The following SAMSN1 variants were observed in gnomAD, a reference collection of about 807,000 sequenced individuals.
SAMSN1 encodes the protein SAM domain, SH3 domain and nuclear localization signals 1, also known as SAM domain-containing protein SAMSN-1.
SAMSN1 carries 31 observed loss-of-function variants against 42.0 expected under a neutral mutation model. That is an observed-to-expected ratio of 0.74 (90% CI 0.55 to 1.00). The LOEUF is 1.00. Ranked by LOEUF, SAMSN1 falls within the 50% of genes least tolerant of loss-of-function variation. The pLI, the probability that SAMSN1 is intolerant of heterozygous loss-of-function variation, is 0.00. For missense variants in SAMSN1, 464 were observed against 439.4 expected (o/e 1.06, Z -0.50); for synonymous variants, 178 against 151.9 (o/e 1.17, Z -1.26).
rs138153633 is a variant in SAMSN1 at position 14,625,544 on chromosome 21, C to T, written c.157-9528G>A. On this transcript the variant is annotated intron_variant, in intron 2 of 15. Transcript: ENST00000647101. ...CCATTCACAATTGCTTCAAAGAGAACAAAATACCTAGGAATCCAACTTACC... is the reference window on the plus strand; with the variant it reads ...CCATTCACAATTGCTTCAAAGAGAATAAAATACCTAGGAATCCAACTTACC... 9.2e-3 allele frequency among the ~76,000 whole-genome samples: 1,397 copies of T among 152,060 alleles called. 22 individuals carry two copies. Among genetic ancestry groups the T allele is most frequent in the African/African-American group, 0.032 (1,309 of 41,480 alleles).
chr21:14,499,226 T>C (rs1987036624), intron 6 of SAMSN1, among the ~76,000 whole-genome samples: 1 of 152,214 alleles, frequency 6.6e-6, no homozygotes, highest in South Asian at 2.1e-4. Context: ...TCAGCATGTA[T>C]ATTTTGTCCG....
chr21:14,490,504 A>C (rs529927558), intron 7 of SAMSN1, among the ~76,000 whole-genome samples: 1 of 152,306 alleles, frequency 6.6e-6, no homozygotes, highest in Admixed American at 6.5e-5. Context: ...TTATTTGTCC[A>C]GAGGCAGCGT....
At chr21:14,599,153 T>C (rs935080861) in intron 6 of SAMSN1, among the ~76,000 whole-genome samples, 1 of 152,168 alleles carries the variant, frequency 6.6e-6, no homozygotes, top group African/African-American at 2.4e-5. Context: ...CCCTCAATAT[T>C]GGATGTGGGG....
At chr21:14,495,799 A>G (rs1600859722) in intron 7 of SAMSN1, 1 of 152,330 alleles carries the variant, frequency 6.6e-6, no homozygotes, top group East Asian at 1.9e-4. Flanking sequence ...AAGAGACTGA[A>G]TTATAGATTT....
intron 4 of SAMSN1, among the ~76,000 whole-genome samples, chr21:14,611,529 C>G (rs988030046): frequency 6.6e-6 from 1 of 152,186 alleles, no homozygotes; most frequent in African/African-American, 2.4e-5. Context: ...AGTTGATCAT[C>G]AAGAACTGTG....
chr21:14,503,659 C>A (rs73171390), intron 5 of SAMSN1, among the ~76,000 whole-genome samples: 231 of 152,258 alleles, frequency 1.5e-3, no homozygotes, highest in Middle Eastern at 0.014. Flanking sequence ...TTACTCATAG[C>A]AACCAACTTA....
chr21:14,547,238 A>G (rs1980440232), upstream of SAMSN1, among the ~76,000 whole-genome samples: 1 of 152,116 alleles, frequency 6.6e-6, no homozygotes, highest in Admixed American at 6.5e-5. Flanking sequence ...ATTAAACAGA[A>G]CCCCCAATTA....
intron 2 of SAMSN1, among the ~76,000 whole-genome samples, chr21:14,622,214 C>T (rs144578282): frequency 1.3e-5 from 2 of 152,346 alleles, no homozygotes; most frequent in Admixed American, 6.5e-5. Context: ...AACCAGAGTG[C>T]CTCTCCTCCT....
intron 1 of SAMSN1, among the ~76,000 whole-genome samples, chr21:14,657,962 G>T (rs1983942575): frequency 6.6e-6 from 1 of 151,610 alleles, no homozygotes; most frequent in African/African-American, 2.4e-5. Context: ...TCAGAACTAG[G>T]CCATCTTACT....
chr21:14,510,863 T>G (rs1297205232), intron 4 of SAMSN1, among the ~76,000 whole-genome samples: 1 of 152,228 alleles, frequency 6.6e-6, no homozygotes, highest in East Asian at 1.9e-4. Context: ...TCATAACAGG[T>G]GGCACTTTTG....
chr21:14,547,386 A>C (rs2123169387), upstream of SAMSN1, among the ~76,000 whole-genome samples: 1 of 152,326 alleles, frequency 6.6e-6, no homozygotes, highest in East Asian at 1.9e-4. Flanking sequence ...AATATGACTT[A>C]TTAAGAGTTT....
At chr21:14,628,627 A>G (rs1482780459) in intron 2 of SAMSN1, among the ~76,000 whole-genome samples, 1 of 152,174 alleles carries the variant, frequency 6.6e-6, no homozygotes, top group Non-Finnish European at 1.5e-5. Flanking sequence ...CTGATTGCAA[A>G]TGAATGGAAA....
At chr21:14,614,745 G>A (rs1417792802) in intron 3 of SAMSN1, among the ~76,000 whole-genome samples, 2 of 152,028 alleles carry the variant, frequency 1.3e-5, no homozygotes, top group Non-Finnish European at 2.9e-5. Flanking sequence ...AACAAATAAA[G>A]CTGTTTATAA....
chr21:14,610,141 G>A (rs1350203880), intron 4 of SAMSN1, among the ~76,000 whole-genome samples: 1 of 152,162 alleles, frequency 6.6e-6, no homozygotes. Context: ...TGTGGGCCGG[G>A]CATGATGGAG....
chr21:14,631,160 A>G (rs1983317798), intron 2 of SAMSN1, among the ~76,000 whole-genome samples: 1 of 152,178 alleles, frequency 6.6e-6, no homozygotes, highest in Non-Finnish European at 1.5e-5. Context: ...TTTTTAAGCT[A>G]AGCTTAAATC....
intron 1 of SAMSN1, among the ~76,000 whole-genome samples, chr21:14,524,488 G>A (rs1978706156): frequency 6.6e-6 from 1 of 152,094 alleles, no homozygotes; most frequent in South Asian, 2.1e-4. Context: ...AATGTTTCCA[G>A]TCTTTCCTTA....
chr21:14,541,987 G>GA (rs3993033), intron 1 of SAMSN1, among the ~76,000 whole-genome samples: 2,190 of 141,428 alleles, frequency 0.015, 23 homozygotes, highest in African/African-American at 0.023. Flanking sequence ...ATGAGACCCT[G>GA]AAAAAAAAAA....
At chr21:14,575,397 T>C (rs924057540) in intron 2 of SAMSN1, among the ~76,000 whole-genome samples, 18 of 152,210 alleles carry the variant, frequency 1.2e-4, no homozygotes, top group Admixed American at 4.6e-4. Context: ...AGATATGTTT[T>C]GGCATTTTTG....
chr21:14,577,735 C>A (rs1981554715), intron 2 of SAMSN1, among the ~76,000 whole-genome samples: 2 of 152,178 alleles, frequency 1.3e-5, no homozygotes, highest in Non-Finnish European at 2.9e-5. Flanking sequence ...TCTTAAGATG[C>A]AGCTGAAATC....
Sources: gnomAD v4.1 joint callset for allele counts (sites outside exome capture counted in the v4.1 genomes callset) on GRCh38, gnomAD v4.1.1 for gene constraint, MANE v1.5 for transcripts, NCBI Gene and HGNC (gene_info 2026-07-23, HGNC 2026-07-21) for gene names.